The following DIP2B variants were observed in gnomAD, a reference collection of about 807,000 sequenced individuals.
The protein encoded by DIP2B is DIP2 acetate--CoA ligase B (putative), also known as disco-interacting protein 2 homolog B.
A neutral mutation model predicts 198.0 loss-of-function variants in DIP2B; 76 were observed. The observed-to-expected ratio is 0.38, with a 90% CI of 0.32 to 0.46. DIP2B has a LOEUF of 0.46. DIP2B is among the 20% of genes least tolerant of loss of function. The pLI is 0.99. For missense variants in DIP2B, 1,559 were observed against 1,978.4 expected (o/e 0.79, Z 4.02); for synonymous variants, 701 against 739.1 (o/e 0.95, Z 0.84).
chr12:50,706,772 ATTGT>A lies in DIP2B; in HGVS notation c.2534+110_2534+113del, dbSNP rs1272688137. ...GTAGGTTCTCTTTCCAAGTGATCAGATTGTTTTTGTTAAGCATTGCATAAGCCTG... is the reference window on the plus strand; with the variant it reads ...GTAGGTTCTCTTTCCAAGTGATCAGATTTTGTTAAGCATTGCATAAGCCTG... On this transcript the variant is annotated intron_variant, in intron 21 of 37. Coordinates refer to ENST00000301180, the MANE Select transcript of DIP2B (RefSeq NM_173602.3). The A allele has an allele frequency of 6.7e-6, 9 of 1,345,874 alleles. No homozygotes were observed. The Admixed American group carries it at 1.8e-4, about 27-fold the overall frequency. The allele number at this position is 1,345,874 out of a possible 1,614,324, so 83.4% of individuals were successfully genotyped here. A position where few individuals can be genotyped will look rare whatever the true frequency, so the allele number is the denominator to read the frequency against.
intron 3 of DIP2B, among the ~76,000 whole-genome samples, chr12:50,644,567 G>C (rs1336765745): frequency 6.6e-6 from 1 of 152,200 alleles, no homozygotes. Flanking sequence ...GATGAATTGT[G>C]TGGTGTTCAG....
rs564116028 is a variant in DIP2B at position 50,592,412 on chromosome 12, C to G, written c.101-33564C>G. Among the ~76,000 whole-genome samples the G allele has an allele frequency of 1.9e-3, 286 of 152,260 alleles. 1 individual carries two copies. The highest frequency in any genetic ancestry group is 2.9e-3 in the Non-Finnish European group (199 of 68,024). On this transcript the variant is annotated intron_variant, in intron 1 of 37. Coordinates refer to ENST00000301180, the MANE Select transcript of DIP2B (RefSeq NM_173602.3). ...GGTCAAGCAGTCCTCCTGCTTTGGC[C>G]TCCTAAAGTGCTGGCATTATAGTTA...
chr12:50,703,685 A>G (rs1476186998), intron 19 of DIP2B, among the ~76,000 whole-genome samples: 4 of 152,180 alleles, frequency 2.6e-5, no homozygotes, highest in Admixed American at 2.6e-4. Context: ...GCTCAGAAAA[A>G]TCCAGGCACT....
Position 50,728,640 on chromosome 12 carries a change from T to A in DIP2B, c.3603T>A (p.Pro1201=), listed in dbSNP as rs1344966533. The A allele has an allele frequency of 6.2e-7, 1 of 1,614,038 alleles. No homozygotes were observed. Among genetic ancestry groups the A allele is most frequent in the African/African-American group, 1.3e-5 (1 of 74,922 alleles). The change falls in exon 30 of 38, where the codon CCT becomes CCA. Residue 1201 remains proline (P), a synonymous_variant. Coordinates refer to ENST00000301180, the MANE Select transcript of DIP2B (RefSeq NM_173602.3). The stretch of plus-strand genomic sequence containing the variant: ...GGCAGATCGCCATCTGCCTTGACCC[T>A]TACTGTGGACTTGGCTTCGCGCTCT... ...SSRQIAICLD[P]YCGLGFALWC... is the part of the protein sequence containing the mutation.
At chr12:50,710,429 G>GTT (rs35072607) in intron 22 of DIP2B, among the ~76,000 whole-genome samples, 12 of 145,032 alleles carry the variant, frequency 8.3e-5, no homozygotes, top group African/African-American at 1.0e-4. Context: ...GTTTTGTTTT[G>GTT]TTTTTTTTTT....
intron 1 of DIP2B, among the ~76,000 whole-genome samples, chr12:50,603,479 C>CTA (rs1284194294): frequency 6.6e-6 from 1 of 152,016 alleles, no homozygotes; most frequent in Non-Finnish European, 1.5e-5. Context: ...TGGCTCATGC[C>CTA]TATAATCCTA....
chr12:50,631,889 T>C (rs568888115), intron 2 of DIP2B, among the ~76,000 whole-genome samples: 2 of 152,292 alleles, frequency 1.3e-5, no homozygotes, highest in South Asian at 4.2e-4. Context: ...TAGGGTTGGG[T>C]AATTTATGTT....
At chr12:50,535,399 C>T (rs556852898) in intron 1 of DIP2B, among the ~76,000 whole-genome samples, 25 of 147,910 alleles carry the variant, frequency 1.7e-4, no homozygotes, top group African/African-American at 5.7e-4. Context: ...AACAGAGTCT[C>T]GCTGTCACCC....
At chr12:50,526,866 C>G (rs1459336403) in intron 1 of DIP2B, among the ~76,000 whole-genome samples, 1 of 151,966 alleles carries the variant, frequency 6.6e-6, no homozygotes, top group Admixed American at 6.6e-5. Flanking sequence ...AAACTCCTGG[C>G]CTCAGGTAAT....
chr12:50,719,312 T>C (rs1185365868), intron 25 of DIP2B, among the ~76,000 whole-genome samples: 2 of 152,232 alleles, frequency 1.3e-5, no homozygotes, highest in African/African-American at 4.8e-5. Flanking sequence ...ACAATGCAAT[T>C]ACATAGATAC....
chr12:50,560,777 C>T (rs1229437231), intron 1 of DIP2B, among the ~76,000 whole-genome samples: 2 of 151,946 alleles, frequency 1.3e-5, no homozygotes, highest in South Asian at 2.1e-4. Context: ...ATAAAAAAGT[C>T]TTTCTCAAAT....
At chr12:50,584,630 C>G (rs1360184540) in intron 1 of DIP2B, among the ~76,000 whole-genome samples, 2 of 152,114 alleles carry the variant, frequency 1.3e-5, no homozygotes, top group Non-Finnish European at 2.9e-5. Flanking sequence ...GTGGTGTGAT[C>G]TCACCTCACT....
chr12:50,524,631 G>A (rs1450849586), intron 1 of DIP2B, among the ~76,000 whole-genome samples: 1 of 152,040 alleles, frequency 6.6e-6, no homozygotes, highest in Non-Finnish European at 1.5e-5. Context: ...TGCCACATAG[G>A]TGCAGGTGAT....
rs1057419182 is a variant in DIP2B at position 50,699,333 on chromosome 12, A to G, written c.2325+131A>G. 58 of 1,365,344 alleles carry G rather than the reference A, an allele frequency of 4.2e-5. No homozygotes were observed. In the African/African-American group the frequency reaches 7.4e-4, roughly 17 times the overall value. 84.6% of individuals were successfully genotyped at this position (1,365,344 alleles called of 1,614,324 possible). ...GTGTACTCTGGAGCTAGACTTGCCT[A>G]AGTTCAAATTCTGAACTTAGGTCAC... On this transcript the variant is annotated intron_variant, in intron 19 of 37. Transcript: ENST00000301180.
chr12:50,512,321 G>A (rs1958025644), intron 1 of DIP2B, among the ~76,000 whole-genome samples: 1 of 151,942 alleles, frequency 6.6e-6, no homozygotes. Flanking sequence ...TGGCCAGGCT[G>A]CTCTCAAACT....
chr12:50,531,089 A>G (rs956152051), intron 1 of DIP2B, among the ~76,000 whole-genome samples: 1 of 152,258 alleles, frequency 6.6e-6, no homozygotes, highest in African/African-American at 2.4e-5. Flanking sequence ...TCTGTCGCCC[A>G]GGCTGGAGTG....
At chr12:50,589,371 A>G (rs1593633952) in intron 1 of DIP2B, among the ~76,000 whole-genome samples, 2 of 150,284 alleles carry the variant, frequency 1.3e-5, no homozygotes, top group African/African-American at 4.9e-5. Flanking sequence ...ATTTTGTTCT[A>G]TTTTTAGTAG....
At chr12:50,738,322 T>C (rs988529479) in intron 35 of DIP2B, among the ~76,000 whole-genome samples, 1 of 151,508 alleles carries the variant, frequency 6.6e-6, no homozygotes, top group Non-Finnish European at 1.5e-5. Flanking sequence ...AGCAAGACTC[T>C]CAAAAATAAT....
At chr12:50,710,737 T>A (rs1372152590) in intron 22 of DIP2B, among the ~76,000 whole-genome samples, 3 of 152,178 alleles carry the variant, frequency 2.0e-5, no homozygotes, top group African/African-American at 7.2e-5. Context: ...TAGATGACTT[T>A]TAATATTTCT....
Sources: gnomAD v4.1 joint callset for allele counts (sites outside exome capture counted in the v4.1 genomes callset) on GRCh38, gnomAD v4.1.1 for gene constraint, MANE v1.5 for transcripts, NCBI Gene and HGNC (gene_info 2026-07-23, HGNC 2026-07-21) for gene names.